TRAK2: variants seen among roughly 807,000 people sequenced by gnomAD.
The protein encoded by TRAK2 is trafficking kinesin protein 2, also known as trafficking kinesin-binding protein 2.
TRAK2 carries 81 observed loss-of-function variants against 104.6 expected under a neutral mutation model. That is an observed-to-expected ratio of 0.77 (90% CI 0.65 to 0.93). The LOEUF (loss-of-function observed/expected upper bound fraction) is 0.93. Ranked by LOEUF, TRAK2 falls within the 40% of genes least tolerant of loss-of-function variation. The pLI, the probability that TRAK2 is intolerant of heterozygous loss-of-function variation, is 0.00. For synonymous variants in TRAK2, 406 were observed against 394.4 expected (o/e 1.03, Z -0.35); for missense variants, 1,002 against 1,089.0 (o/e 0.92, Z 1.12).
chr2:201,427,500 C>T (rs1174794981), intron 1 of TRAK2, among the ~76,000 whole-genome samples: 1 of 152,182 alleles, frequency 6.6e-6, no homozygotes, highest in Non-Finnish European at 1.5e-5. Flanking sequence ...AGGACATGAA[C>T]TCATCCTTTT....
In TRAK2 at chr2:201,447,806, G is replaced by C. The variant is rs1365528632; in HGVS notation, c.-200+3544C>G. ...ATAACAACCCCTTCCCCTTTTCTCT[G>C]CCCAGGCTAATTCCCATTTGTTTTC... On this transcript the variant is annotated intron_variant, in intron 1 of 15. Coordinates refer to ENST00000332624, the MANE Select transcript of TRAK2 (RefSeq NM_015049.3). This position sits in a 1 kb window ranked among gnomAD's most constrained non-coding sequence, Gnocchi z 4.1. Among the ~76,000 whole-genome samples, 1 of 152,032 alleles carries C rather than the reference G, an allele frequency of 6.6e-6. No individual in the cohort carries two copies. The highest frequency in any genetic ancestry group is 6.5e-5 in the Admixed American group (1 of 15,278).
chr2:201,439,882 A>G (rs1388344226), intron 1 of TRAK2, among the ~76,000 whole-genome samples: 5 of 142,514 alleles, frequency 3.5e-5, no homozygotes, highest in Admixed American at 1.5e-4. Flanking sequence ...GGAATTGAAC[A>G]ATGAGAAAAC....
intron 2 of TRAK2, chr2:201,410,899 G>A: frequency 6.3e-7 from 1 of 1,588,082 alleles, no homozygotes; most frequent in Non-Finnish European, 8.6e-7. Flanking sequence ...TGGCAAAGTG[G>A]GAGGTGTTCC....
At chr2:201,399,308 A>G (rs907731172) in intron 5 of TRAK2, 69 bp downstream of exon 5, 6 of 1,069,506 alleles carry the variant, frequency 5.6e-6, no homozygotes, top group Non-Finnish European at 8.5e-6. Flanking sequence ...AGGGACACCT[A>G]GGAAAATAAA....
rs1249091413 is a variant in TRAK2, at chr2:201,433,088, A to T, written c.-199-12382T>A. Among the ~76,000 whole-genome samples the T allele has an allele frequency of 2.0e-5, 3 of 152,226 alleles. No homozygotes were observed. The East Asian group carries it at 5.8e-4, about 29-fold the overall frequency. On this transcript the variant is annotated intron_variant, in intron 1 of 15. Transcript: ENST00000332624. ...CACTAATTTTAATGTATCTGGCTAC[A>T]CTACAGATAAAGTTTACCAAAAAAC...
At chr2:201,430,343 T>C (rs1203145154) in intron 1 of TRAK2, among the ~76,000 whole-genome samples, 1 of 152,214 alleles carries the variant, frequency 6.6e-6, no homozygotes, top group African/African-American at 2.4e-5. Context: ...AGAACCACTA[T>C]TCTCTTCAAA....
chr2:201,392,848 T>C, intron 10 of TRAK2, 61 bp downstream of exon 10: 1 of 1,506,692 alleles, frequency 6.6e-7, no homozygotes, highest in Non-Finnish European at 8.9e-7. Context: ...ATCAAACTTT[T>C]AGGACAAACT....
chr2:201,441,580 A>T (rs955784997), intron 1 of TRAK2, among the ~76,000 whole-genome samples: 4 of 152,120 alleles, frequency 2.6e-5, no homozygotes, highest in African/African-American at 9.7e-5. Context: ...TTTAGTTGTT[A>T]AATTACATGC....
At chr2:201,435,686 C>T (rs1439271249) in intron 1 of TRAK2, among the ~76,000 whole-genome samples, 1 of 152,170 alleles carries the variant, frequency 6.6e-6, no homozygotes, top group Non-Finnish European at 1.5e-5. Flanking sequence ...GACAACAGTG[C>T]TTCTTTTAGG....
intron 2 of TRAK2, chr2:201,411,847 T>A: frequency 2.3e-6 from 2 of 873,286 alleles, no homozygotes; most frequent in South Asian, 2.7e-5. Context: ...CAGGCATTTT[T>A]AATTCTTGGT....
rs141278537 is a variant in TRAK2, at chr2:201,386,452, C to A, written c.1729G>T (p.Ala577Ser). Residue 577 changes from alanine to serine, a missense_variant, in exon 14 of 16, where the codon GCT (alanine) becomes TCT (serine). Transcript: ENST00000332624. ...AGGATGGTTCCCAAGTTTGGTTGAG[C>A]AAGCTGCTGCCAGTGATACAGAGTT... ...SQTLYHWQQL[A>S]QPNLGTILDP... 6 of 1,614,104 alleles carry A rather than the reference C, an allele frequency of 3.7e-6. No individual in the cohort carries two copies. In the East Asian group the frequency reaches 1.1e-4, roughly 30 times the overall value.
intron 1 of TRAK2, chr2:201,433,334 T>C (rs908711807): frequency 1.3e-5 from 2 of 152,196 alleles, no homozygotes; most frequent in African/African-American, 4.8e-5. Context: ...TCTATTAGCA[T>C]TTATAAAGTT....
chr2:201,398,063 G>A, intron 6 of TRAK2, 82 bp downstream of exon 6: 1 of 1,286,080 alleles, frequency 7.8e-7, no homozygotes. Context: ...CCTTACTTAT[G>A]CCATATTTCA....
chr2:201,410,824 A>G (rs1951639483), intron 2 of TRAK2: 2 of 1,606,936 alleles, frequency 1.2e-6, no homozygotes, highest in Admixed American at 1.7e-5. Context: ...AAGGGCAGAC[A>G]TATCTGTGGG....
chr2:201,439,410 ATGGTTTTCTT>A (rs1156274251), intron 1 of TRAK2, among the ~76,000 whole-genome samples: 1 of 151,834 alleles, frequency 6.6e-6, no homozygotes, highest in Non-Finnish European at 1.5e-5. Flanking sequence ...GTGGTTTTCC[ATGGTTTTCTT>A]ATTTTAAAAA....
intron 1 of TRAK2, among the ~76,000 whole-genome samples, chr2:201,445,364 A>T (rs1008222829): frequency 6.6e-6 from 1 of 152,224 alleles, no homozygotes; most frequent in Non-Finnish European, 1.5e-5. Context: ...AAAGTACTAA[A>T]AAAAGATAAA....
intron 2 of TRAK2, among the ~76,000 whole-genome samples, chr2:201,417,322 G>GAC (rs144246173): frequency 2.7e-5 from 4 of 146,968 alleles, no homozygotes; most frequent in East Asian, 4.0e-4. Context: ...GAAGGACACA[G>GAC]ACACACACAC....
chr2:201,383,236 G>A (rs1238404231), intron 15 of TRAK2, among the ~76,000 whole-genome samples: 1 of 152,222 alleles, frequency 6.6e-6, no homozygotes, highest in African/African-American at 2.4e-5. Flanking sequence ...CTGCTCCTTG[G>A]AGGCAATCTA....
intron 4 of TRAK2, among the ~76,000 whole-genome samples, chr2:201,400,438 G>T (rs1951541129): frequency 6.6e-6 from 1 of 151,910 alleles, no homozygotes; most frequent in Admixed American, 6.6e-5. Context: ...ATCGCTAAAT[G>T]GCATACATAG....
Sources: gnomAD v4.1 joint callset for allele counts (sites outside exome capture counted in the v4.1 genomes callset) on GRCh38, gnomAD v4.1.1 for gene constraint, Gnocchi (gnomAD v3.1) non-coding constraint, MANE v1.5 for transcripts, NCBI Gene and HGNC (gene_info 2026-07-23, HGNC 2026-07-21) for gene names.